Variants in ADAMTSL1 observed in about 807,000 individuals in gnomAD.
The protein encoded by ADAMTSL1 is ADAMTS like 1.
ADAMTSL1 carries 126 observed loss-of-function variants against 201.8 expected under a neutral mutation model. The observed-to-expected ratio is 0.62, with a 90% CI of 0.54 to 0.72. The LOEUF (loss-of-function observed/expected upper bound fraction) is 0.72. Ranked by LOEUF, ADAMTSL1 falls within the 30% of genes least tolerant of loss-of-function variation. ADAMTSL1 has a pLI of 0.00. For synonymous variants in ADAMTSL1, 1,121 were observed against 903.4 expected (o/e 1.24, Z -4.32); for missense variants, 2,679 against 2,277.8 (o/e 1.18, Z -3.59).
At chr9:18,268,352 T>C (rs1832221476) in intron 2 of ADAMTSL1, among the ~76,000 whole-genome samples, 1 of 152,188 alleles carries the variant, frequency 6.6e-6, no homozygotes, top group Non-Finnish European at 1.5e-5. Flanking sequence ...CTTGTTAGTT[T>C]CTTTCTACTT....
rs139256932 is a variant in ADAMTSL1, at chr9:18,213,087, C to A, written c.207+49106C>A. Among the ~76,000 whole-genome samples, 80 of 152,252 alleles carry A rather than the reference C, an allele frequency of 5.3e-4. 1 individual carries two copies. The highest frequency in any genetic ancestry group is 1.8e-3 in the African/African-American group (76 of 41,570). On this transcript the variant is annotated intron_variant, in intron 2 of 29. Transcript: ENST00000680146. Reference sequence around the variant, plus strand: ...ACCATTTTATTTTTTGGCAGAAATTCTCATGAACGCTCACACCAAAAATTC... The same window carrying A: ...ACCATTTTATTTTTTGGCAGAAATTATCATGAACGCTCACACCAAAAATTC...
At chr9:18,648,931 G>T (rs1230832270) in intron 7 of ADAMTSL1, among the ~76,000 whole-genome samples, 1 of 152,088 alleles carries the variant, frequency 6.6e-6, no homozygotes, top group Non-Finnish European at 1.5e-5. Context: ...CTGAATGTTG[G>T]CCTGCCTTGC....
At chr9:18,272,647 C>G (rs1005008599) in intron 2 of ADAMTSL1, among the ~76,000 whole-genome samples, 1 of 152,170 alleles carries the variant, frequency 6.6e-6, no homozygotes, top group Non-Finnish European at 1.5e-5. Flanking sequence ...TGTAGGATTT[C>G]TAAGAGAAGG....
At chr9:18,599,518 C>T (rs1824487656) in intron 4 of ADAMTSL1, among the ~76,000 whole-genome samples, 1 of 152,132 alleles carries the variant, frequency 6.6e-6, no homozygotes, top group South Asian at 2.1e-4. Context: ...AAAACATGCT[C>T]TCTTAGGCAG....
chr9:18,081,357 T>C (rs1418865076), intron 1 of ADAMTSL1, among the ~76,000 whole-genome samples: 1 of 152,076 alleles, frequency 6.6e-6, no homozygotes. Flanking sequence ...TTCAAGCTTG[T>C]AACACGAATA....
chr9:18,781,626 A>G (rs1446885632), intron 19 of ADAMTSL1, among the ~76,000 whole-genome samples: 2 of 152,102 alleles, frequency 1.3e-5, no homozygotes, highest in Non-Finnish European at 2.9e-5. Flanking sequence ...CATCATTACT[A>G]TGTCTGGTAG....
intron 27 of ADAMTSL1, among the ~76,000 whole-genome samples, chr9:18,906,316 A>G (rs965315442): frequency 1.3e-5 from 2 of 152,042 alleles, no homozygotes; most frequent in African/African-American, 4.8e-5. Flanking sequence ...TACCATTCCT[A>G]TCCAGTCCCC....
intron 26 of ADAMTSL1, among the ~76,000 whole-genome samples, chr9:18,900,743 G>A (rs1037835678): frequency 6.6e-6 from 1 of 150,482 alleles, no homozygotes; most frequent in Admixed American, 6.6e-5. Flanking sequence ...TGGACACACT[G>A]GGGGGAAACA....
chr9:18,665,538 A>G (rs902144442), intron 9 of ADAMTSL1, among the ~76,000 whole-genome samples: 2 of 152,080 alleles, frequency 1.3e-5, no homozygotes, highest in Non-Finnish European at 2.9e-5. Flanking sequence ...TACATGAACA[A>G]CTTCTAGGAA....
At chr9:18,070,243 C>T (rs1054957625) in intron 1 of ADAMTSL1, among the ~76,000 whole-genome samples, 2 of 152,166 alleles carry the variant, frequency 1.3e-5, no homozygotes, top group East Asian at 3.9e-4. Context: ...GGGAGGAAAA[C>T]ATGTCCTGAA....
intron 2 of ADAMTSL1, among the ~76,000 whole-genome samples, chr9:18,202,322 A>G (rs1272454677): frequency 1.3e-5 from 2 of 152,228 alleles, no homozygotes; most frequent in East Asian, 1.9e-4. Flanking sequence ...TATTCAAACA[A>G]TTGTTTTAAA....
At chr9:18,745,123 T>C (rs1369956579) in intron 15 of ADAMTSL1, among the ~76,000 whole-genome samples, 1 of 152,174 alleles carries the variant, frequency 6.6e-6, no homozygotes, top group Non-Finnish European at 1.5e-5. Flanking sequence ...TGGGGGACAA[T>C]ATGAGCTAAG....
In ADAMTSL1 at chr9:18,316,362, G is replaced by T. The variant is rs367786425; in HGVS notation, c.207+152381G>T. On this transcript the variant is annotated intron_variant, in intron 2 of 29. Transcript: ENST00000680146. ...TCCTCTTCCTAATAAGCCTGGGAGC[G>T]CTATGGGAGACTGGGGTCCATTTCA... Among the ~76,000 whole-genome samples, 586 of 152,200 alleles carry T rather than the reference G, an allele frequency of 3.9e-3. 3 individuals carry two copies. The highest frequency in any genetic ancestry group is 0.014 in the African/African-American group (561 of 41,514).
At chr9:18,151,249 C>T (rs1826897436) in intron 1 of ADAMTSL1, among the ~76,000 whole-genome samples, 1 of 152,028 alleles carries the variant, frequency 6.6e-6, no homozygotes, top group Admixed American at 6.6e-5. Context: ...AAAACCTTTA[C>T]ACAACTGTAA....
intron 2 of ADAMTSL1, among the ~76,000 whole-genome samples, chr9:18,532,613 T>C (rs558898735): frequency 3.3e-5 from 5 of 152,048 alleles, no homozygotes; most frequent in Non-Finnish European, 5.9e-5. Context: ...GGCTACAAAA[T>C]TGCGTAAGTG....
chr9:18,176,928 T>C (rs924823432), intron 2 of ADAMTSL1, among the ~76,000 whole-genome samples: 1 of 152,182 alleles, frequency 6.6e-6, no homozygotes, highest in Admixed American at 6.5e-5. Context: ...AGTCTTAAAC[T>C]CAGTTACATA....
intron 2 of ADAMTSL1, among the ~76,000 whole-genome samples, chr9:18,258,430 A>G (rs967317942): frequency 1.3e-5 from 2 of 152,218 alleles, no homozygotes; most frequent in Non-Finnish European, 2.9e-5. Context: ...AGAAAGGAGG[A>G]TGGGGAATGC....
chr9:17,931,612 T>G (rs1186155458), intron 1 of ADAMTSL1, among the ~76,000 whole-genome samples: 1 of 152,204 alleles, frequency 6.6e-6, no homozygotes, highest in Non-Finnish European at 1.5e-5. Context: ...GCTGTCTTTT[T>G]TTTCCTTTTG....
Position 18,143,871 on chromosome 9 carries a change from G to A in ADAMTSL1, c.88-19991G>A, listed in dbSNP as rs538424410. Among the ~76,000 whole-genome samples, 12 of 152,290 alleles carry A rather than the reference G, an allele frequency of 7.9e-5. No homozygotes were observed. The South Asian group carries it at 1.5e-3, about 18-fold the overall frequency. ...CTTCACAGAGTTTTAAAAGAAGTGA[G>A]GGAACTGCCATTGAGGGAACAATTA... On this transcript the variant is annotated intron_variant, in intron 1 of 29. Coordinates refer to the ADAMTSL1 transcript ENST00000680146.
Sources: gnomAD v4.1 joint callset for allele counts (sites outside exome capture counted in the v4.1 genomes callset) on GRCh38, gnomAD v4.1.1 for gene constraint, MANE v1.5 for transcripts, NCBI Gene and HGNC (gene_info 2026-07-23, HGNC 2026-07-21) for gene names.